DOCK2: variants seen among roughly 807,000 people sequenced by gnomAD.
The protein encoded by DOCK2 is dedicator of cytokinesis protein 2.
A neutral mutation model predicts 248.9 loss-of-function variants in DOCK2; 87 were observed. The observed-to-expected ratio is 0.35, with a 90% CI of 0.29 to 0.42. The LOEUF is 0.42. Ranked by LOEUF, DOCK2 falls within the 10% of genes least tolerant of loss-of-function variation. The pLI is 1.00. For missense variants in DOCK2, 1,747 were observed against 2,300.2 expected (o/e 0.76, Z 4.92); for synonymous variants, 805 against 821.6 (o/e 0.98, Z 0.35).
At chr5:170,038,964 A>G (rs1756415543) in intron 36 of DOCK2, among the ~76,000 whole-genome samples, 1 of 152,104 alleles carries the variant, frequency 6.6e-6, no homozygotes, top group South Asian at 2.1e-4. Context: ...TAAATTCCAA[A>G]CTCTCTACAT....
At chr5:169,670,643 A>T in intron 4 of DOCK2, 46 bp downstream of exon 4, 2 of 1,604,420 alleles carry the variant, frequency 1.2e-6, no homozygotes, top group Non-Finnish European at 1.7e-6. Context: ...TGGCTCATGG[A>T]TGTCTCTGTC....
At chr5:169,941,529 T>A (rs1776246777) in intron 27 of DOCK2, among the ~76,000 whole-genome samples, 2 of 152,144 alleles carry the variant, frequency 1.3e-5, no homozygotes, top group African/African-American at 4.8e-5. Context: ...GGAAGGCCTG[T>A]GGGCTAGAAA....
chr5:170,069,843 T>A (rs112618953), intron 46 of DOCK2, among the ~76,000 whole-genome samples: 135 of 152,298 alleles, frequency 8.9e-4, no homozygotes, highest in African/African-American at 3.1e-3. Context: ...CTTCTTCCTG[T>A]GGACTCTGTC....
intron 6 of DOCK2, 130 bp from the exon 7 acceptor site, chr5:169,681,614 A>G: frequency 9.0e-7 from 1 of 1,112,092 alleles, no homozygotes; most frequent in Non-Finnish European, 1.3e-6. Flanking sequence ...GTCCCAGGCT[A>G]TCAGTGTAGA....
chr5:170,009,784 G>T (rs558036182), intron 32 of DOCK2, among the ~76,000 whole-genome samples: 1 of 152,186 alleles, frequency 6.6e-6, no homozygotes, highest in African/African-American at 2.4e-5. Flanking sequence ...TATCCACTGT[G>T]GGGGAAGCAT....
intron 7 of DOCK2, among the ~76,000 whole-genome samples, chr5:169,683,076 A>G (rs61581232): frequency 0.011 from 1,727 of 152,352 alleles, 32 homozygotes; most frequent in African/African-American, 0.038. Context: ...CTATTATACT[A>G]ATGCAACTAT....
chr5:170,012,687 G>A (rs554222499), intron 32 of DOCK2, among the ~76,000 whole-genome samples: 32 of 152,294 alleles, frequency 2.1e-4, no homozygotes, highest in Non-Finnish European at 3.7e-4. Flanking sequence ...TTTGGATCCC[G>A]GGCGGACGCC....
intron 14 of DOCK2, among the ~76,000 whole-genome samples, chr5:169,706,935 T>C (rs917655272): frequency 1.3e-5 from 2 of 152,192 alleles, no homozygotes; most frequent in Non-Finnish European, 2.9e-5. Context: ...GCTTTGGTGA[T>C]TCAGCCTGCT....
chr5:169,658,972 C>T (rs898667949), intron 2 of DOCK2, among the ~76,000 whole-genome samples: 5 of 147,364 alleles, frequency 3.4e-5, no homozygotes, highest in Non-Finnish European at 6.0e-5. Flanking sequence ...TTCCAATCTA[C>T]AAGACTGCAT....
chr5:169,685,195 A>G (rs28366529), intron 8 of DOCK2, among the ~76,000 whole-genome samples: 35,798 of 152,228 alleles, frequency 0.24, 4,249 homozygotes, highest in South Asian at 0.32. Flanking sequence ...GTGATGCACA[A>G]GGCCTGGCAC....
At chr5:169,934,150 C>A (rs1330192312) in intron 27 of DOCK2, among the ~76,000 whole-genome samples, 1 of 152,110 alleles carries the variant, frequency 6.6e-6, no homozygotes, top group Non-Finnish European at 1.5e-5. Flanking sequence ...TGAGTGTTCC[C>A]AATTAGGGGT....
intron 27 of DOCK2, among the ~76,000 whole-genome samples, chr5:169,919,450 G>A (rs183993327): frequency 5.3e-5 from 8 of 152,282 alleles, no homozygotes; most frequent in African/African-American, 1.7e-4. Flanking sequence ...AAAAAGTAAT[G>A]GCCAGTATCA....
At chr5:169,800,103 C>G (rs1233137622) in intron 25 of DOCK2, among the ~76,000 whole-genome samples, 1 of 152,144 alleles carries the variant, frequency 6.6e-6, no homozygotes, top group Non-Finnish European at 1.5e-5. Context: ...CCATGCTCAG[C>G]CCCAACAATA....
intron 27 of DOCK2, among the ~76,000 whole-genome samples, chr5:169,892,773 T>C (rs571536552): frequency 6.6e-6 from 1 of 152,334 alleles, no homozygotes; most frequent in South Asian, 2.1e-4. Context: ...CAGAGGACAG[T>C]AGAGTGAACA....
At chr5:170,055,474 T>A in intron 42 of DOCK2, 88 bp downstream of exon 42, 1 of 1,226,496 alleles carries the variant, frequency 8.2e-7, no homozygotes, top group Non-Finnish European at 1.2e-6. Flanking sequence ...CAGACCCCAG[T>A]GTCTTTCTAG....
intron 32 of DOCK2, among the ~76,000 whole-genome samples, chr5:170,011,537 T>C (rs139584751): frequency 1.3e-5 from 2 of 152,300 alleles, no homozygotes; most frequent in East Asian, 1.9e-4. Flanking sequence ...AGGTATTTAT[T>C]AGAAGGGCAA....
intron 6 of DOCK2, 30 bp from the exon 7 acceptor site, chr5:169,681,714 T>G: frequency 6.2e-7 from 1 of 1,609,682 alleles, no homozygotes; most frequent in Non-Finnish European, 8.5e-7. Flanking sequence ...CTCCCCTGAT[T>G]TGTCTTCACC....
chr5:170,054,892 G>T (rs559670315), intron 41 of DOCK2, among the ~76,000 whole-genome samples: 1 of 152,326 alleles, frequency 6.6e-6, no homozygotes, highest in South Asian at 2.1e-4. Context: ...AAGTGGCCTG[G>T]CTTCTCTGGC....
intron 26 of DOCK2, among the ~76,000 whole-genome samples, chr5:169,818,547 T>C (rs2113221643): frequency 6.6e-6 from 1 of 152,338 alleles, no homozygotes; most frequent in East Asian, 1.9e-4. Context: ...TTGCTGAGTA[T>C]GTGGTTAATA....
Sources: gnomAD v4.1 joint callset for allele counts (sites outside exome capture counted in the v4.1 genomes callset) on GRCh38, gnomAD v4.1.1 for gene constraint, MANE v1.5 for transcripts, NCBI Gene and HGNC (gene_info 2026-07-23, HGNC 2026-07-21) for gene names.